MGAM: variants seen among roughly 807,000 people sequenced by gnomAD.
The protein encoded by MGAM is alpha-1,4-glucosidase.
MGAM carries 253 observed loss-of-function variants against 358.8 expected under a neutral mutation model. The ratio of observed to expected loss-of-function variants is 0.71; its 90% CI spans 0.64 to 0.78. MGAM has a LOEUF of 0.78. Among genes scored for constraint, MGAM ranks in the 30% least tolerant of loss-of-function variants. The pLI, the probability that MGAM is intolerant of heterozygous loss-of-function variation, is 0.00. For missense variants in MGAM, 3,080 were observed against 3,432.6 expected (o/e 0.90, Z 2.57); for synonymous variants, 1,105 against 1,227.1 (o/e 0.90, Z 2.08).
At chr7:142,061,848 G>A (rs1812234409) in intron 34 of MGAM, among the ~76,000 whole-genome samples, 1 of 152,146 alleles carries the variant, frequency 6.6e-6, no homozygotes, top group African/African-American at 2.4e-5. Flanking sequence ...GCTCAGCATT[G>A]TGGGCAATAT....
chr7:142,069,950 T>A (rs936194029), intron 43 of MGAM, among the ~76,000 whole-genome samples: 1 of 145,154 alleles, frequency 6.9e-6, no homozygotes, highest in African/African-American at 2.4e-5. Context: ...TCCCAGGACT[T>A]TGGGAGGCCG....
chr7:142,035,424 G>A (rs1206700608), intron 16 of MGAM, among the ~76,000 whole-genome samples: 2 of 152,130 alleles, frequency 1.3e-5, no homozygotes, highest in East Asian at 1.9e-4. Flanking sequence ...CAACAGGGAC[G>A]TATGAGTTAA....
In MGAM at chr7:142,065,629, G is replaced by A. The variant is rs747435590; in HGVS notation, c.4653+7G>A. 1.2e-6 allele frequency: 2 copies of A among 1,613,448 alleles called. No homozygotes were observed. Among genetic ancestry groups the A allele is most frequent in the Admixed American group, 3.3e-5 (2 of 59,996 alleles). On this transcript the variant is annotated splice_region_variant and intron_variant, in intron 39 of 70. Transcript: ENST00000475668. ...CCTCTTTGGCATATCCTATGTGAGT[G>A]TCCTTGGGATCCTCCTAAGCACCAA... is the stretch of plus-strand genomic sequence containing the variant.
chr7:142,101,774 G>A (rs1816462852), intron 68 of MGAM, among the ~76,000 whole-genome samples: 1 of 151,972 alleles, frequency 6.6e-6, no homozygotes, highest in South Asian at 2.1e-4. Context: ...TGGGCATGGT[G>A]GCACATGCCT....
At chr7:142,022,874 T>C (rs1554459503) in intron 7 of MGAM, among the ~76,000 whole-genome samples, 1 of 152,178 alleles carries the variant, frequency 6.6e-6, no homozygotes, top group Non-Finnish European at 1.5e-5. Flanking sequence ...ATCATCACAA[T>C]AGGATAAAGT....
intron 3 of MGAM, among the ~76,000 whole-genome samples, chr7:142,016,679 G>T (rs1563114576): frequency 6.6e-6 from 1 of 152,104 alleles, no homozygotes; most frequent in African/African-American, 2.4e-5. Flanking sequence ...TGCAACCTCT[G>T]CCTCCTGGGT....
At position 142,103,263 on chromosome 7, in the gene MGAM, C is replaced by T. The variant is rs1816585416; in HGVS notation, c.8014-6C>T. 1.9e-6 allele frequency: 3 copies of T among 1,574,002 alleles called. No individual in the cohort carries two copies. In the African/African-American group the frequency reaches 4.1e-5, roughly 22 times the overall value. On this transcript the variant is annotated splice_region_variant and splice_polypyrimidine_tract_variant and intron_variant, in intron 69 of 70. Coordinates refer to ENST00000475668, the MANE Select transcript of MGAM (RefSeq NM_001365693.1). Reference sequence around the variant, plus strand: ...TTATATTTTTCTTTTATCTCCAATTCAACAGAATACGATGCAAAGCCATAT... The same window carrying T: ...TTATATTTTTCTTTTATCTCCAATTTAACAGAATACGATGCAAAGCCATAT...
chr7:142,074,176 G>A lies in MGAM; in HGVS notation c.5275+3G>A. 1 of 1,517,240 alleles carries A rather than the reference G, an allele frequency of 6.6e-7. No homozygotes were observed. The highest frequency in any genetic ancestry group is 9.0e-7 in the Non-Finnish European group (1 of 1,105,724). The allele number at this position is 1,517,240 out of a possible 1,614,324, so 94.0% of individuals were successfully genotyped here. ...CTGGGATGATGGGCAAACAAAGGGT[G>A]AGCGCTGTTACAATAATGTTGCTGT... On this transcript the variant is annotated splice_donor_region_variant and intron_variant, in intron 45 of 70. Transcript: ENST00000475668.
At chr7:141,986,522 A>G (rs1293584629) in intron 2 of MGAM, among the ~76,000 whole-genome samples, 1 of 152,086 alleles carries the variant, frequency 6.6e-6, no homozygotes. Flanking sequence ...CATGACAGAG[A>G]CCGTACATGG....
At chr7:142,056,365 T>C (rs1184181986) in intron 29 of MGAM, among the ~76,000 whole-genome samples, 1 of 152,134 alleles carries the variant, frequency 6.6e-6, no homozygotes, top group Non-Finnish European at 1.5e-5. Context: ...GGGCAGCTCG[T>C]GAGAGCCAGT....
At chr7:142,099,887 C>T (rs1816293863) in intron 67 of MGAM, 150 bp downstream of exon 67, 1 of 1,225,070 alleles carries the variant, frequency 8.2e-7, no homozygotes. Flanking sequence ...GTATTTTAAC[C>T]TTTTTCAGAC....
intron 68 of MGAM, 42 bp from the exon 69 acceptor site, chr7:142,102,588 A>G: frequency 1.3e-6 from 2 of 1,582,584 alleles, no homozygotes; most frequent in Non-Finnish European, 1.7e-6. Flanking sequence ...AGAGTTCTAC[A>G]GCACAGGTCC....
chr7:142,051,638 A>G (rs1191620174), intron 24 of MGAM, among the ~76,000 whole-genome samples: 1 of 152,178 alleles, frequency 6.6e-6, no homozygotes, highest in African/African-American at 2.4e-5. Flanking sequence ...AAATAGAAAG[A>G]AATATAATGT....
At chr7:142,042,587 A>G (rs1276605350) in intron 21 of MGAM, among the ~76,000 whole-genome samples, 13 of 36,022 alleles carry the variant, frequency 3.6e-4, no homozygotes, top group South Asian at 1.8e-3. Context: ...TATATTATAT[A>G]TACATATTAT....
chr7:142,044,658 T>C (rs1227188696), intron 21 of MGAM, among the ~76,000 whole-genome samples: 1 of 61,966 alleles, frequency 1.6e-5, no homozygotes, highest in Admixed American at 2.1e-4. Context: ...ATATATAATG[T>C]ATATTATATA....
At chr7:142,027,837 AT>A in intron 10 of MGAM, 102 bp downstream of exon 10, 15 of 1,286,888 alleles carry the variant, frequency 1.2e-5, no homozygotes, top group Non-Finnish European at 1.5e-5. Context: ...TGATTTATTT[AT>A]TTGGTAATGA....
At chr7:142,042,085 TA>T (rs1425946447) in intron 21 of MGAM, among the ~76,000 whole-genome samples, 3 of 76,444 alleles carry the variant, frequency 3.9e-5, no homozygotes, top group African/African-American at 1.6e-4. Context: ...ATACAATATA[TA>T]ACATATAATA....
rs1172723751 is a variant in MGAM, at chr7:142,069,842, G to T, written c.5061+1139G>T. ...TTGAGTCTCCCATTCACTACCAGAA[G>T]ATATCTTTGATGGAAGAGGGAAAGA... On this transcript the variant is annotated intron_variant, in intron 43 of 70. Coordinates refer to ENST00000475668, the MANE Select transcript of MGAM (RefSeq NM_001365693.1). Among the ~76,000 whole-genome samples, 4 of 145,456 alleles carry T rather than the reference G, an allele frequency of 2.7e-5. 1 individual carries two copies. The Admixed American group carries it at 2.8e-4, about 10-fold the overall frequency.
At chr7:142,011,531 GA>G (rs1450395223) in intron 3 of MGAM, among the ~76,000 whole-genome samples, 1 of 152,140 alleles carries the variant, frequency 6.6e-6, no homozygotes, top group Admixed American at 6.6e-5. Flanking sequence ...TTGGTCAAGT[GA>G]AAGGATGTAA....
Sources: gnomAD v4.1 joint callset for allele counts (sites outside exome capture counted in the v4.1 genomes callset) on GRCh38, gnomAD v4.1.1 for gene constraint, MANE v1.5 for transcripts, NCBI Gene and HGNC (gene_info 2026-07-23, HGNC 2026-07-21) for gene names.